GOLM2: variants seen among roughly 807,000 people sequenced by gnomAD.
The protein encoded by GOLM2 is protein GOLM2.
A neutral mutation model predicts 55.9 loss-of-function variants in GOLM2; 26 were observed. That is an observed-to-expected ratio of 0.47 (90% CI 0.34 to 0.65). The LOEUF (loss-of-function observed/expected upper bound fraction) is 0.65, where lower values mean the gene tolerates loss of function less well. Ranked by LOEUF, GOLM2 falls within the 30% of genes least tolerant of loss-of-function variation. GOLM2 has a pLI of 0.01. For synonymous variants in GOLM2, 165 were observed against 194.6 expected (o/e 0.85, Z 1.27); for missense variants, 486 against 531.8 (o/e 0.91, Z 0.85).
chr15:44,388,238 T>C (rs1263058838), intron 8 of GOLM2, among the ~76,000 whole-genome samples: 2 of 131,132 alleles, frequency 1.5e-5, no homozygotes, highest in Admixed American at 8.5e-5. Context: ...TGCGCCACTG[T>C]ACTCCAGCCT....
At chr15:44,404,219 T>C (rs752389715) in intron 9 of GOLM2, among the ~76,000 whole-genome samples, 18 of 152,184 alleles carry the variant, frequency 1.2e-4, no homozygotes, top group Non-Finnish European at 1.9e-4. Context: ...ATTTCTTCCT[T>C]AGCTGTTTTT....
chr15:44,352,192 A>G (rs2079169219), intron 6 of GOLM2, among the ~76,000 whole-genome samples: 1 of 152,236 alleles, frequency 6.6e-6, no homozygotes, highest in Non-Finnish European at 1.5e-5. Flanking sequence ...CGTAGTAACC[A>G]AAACAGCATG....
chr15:44,289,435 C>T lies in GOLM2; in HGVS notation c.327+79C>T. 7.6e-7 allele frequency: 1 copy of T among 1,319,256 alleles called. No individual in the cohort carries two copies. Among genetic ancestry groups the T allele is most frequent in the Non-Finnish European group, 1.0e-6 (1 of 963,870 alleles). 81.7% of individuals were successfully genotyped at this position (1,319,256 alleles called of 1,614,324 possible). A position where few individuals can be genotyped will look rare whatever the true frequency, so the allele number is the denominator to read the frequency against. On this transcript the variant is annotated intron_variant, in intron 1 of 9. Transcript: ENST00000299957. The surrounding 1 kb of genome is among the most constrained non-coding windows in gnomAD (Gnocchi z 4.8). ...CTGGGGCGGGATGTTAATCCGCTAG[C>T]TGTTGTCTTATGCCTTCCAGTATTT... is the stretch of plus-strand genomic sequence containing the variant.
intron 4 of GOLM2, among the ~76,000 whole-genome samples, chr15:44,333,489 A>C (rs1467646848): frequency 6.6e-6 from 1 of 152,166 alleles, no homozygotes; most frequent in Non-Finnish European, 1.5e-5. Flanking sequence ...CCTGCTGCCT[A>C]TCTGCAGTCT....
chr15:44,354,089 A>G (rs79259027), intron 6 of GOLM2, among the ~76,000 whole-genome samples: 1 of 152,062 alleles, frequency 6.6e-6, no homozygotes, highest in Admixed American at 6.6e-5. Flanking sequence ...AAGAAAATGT[A>G]AGTAATGCAT....
chr15:44,308,010 G>A (rs1427697415), intron 1 of GOLM2: 3 of 152,008 alleles, frequency 2.0e-5, no homozygotes. Context: ...AGCTATTTGG[G>A]GCCAGAATAA....
At chr15:44,363,606 C>G (rs1356825208) in intron 6 of GOLM2, among the ~76,000 whole-genome samples, 1 of 152,176 alleles carries the variant, frequency 6.6e-6, no homozygotes, top group Non-Finnish European at 1.5e-5. Flanking sequence ...GGACTGTAAA[C>G]TAGTTCAACC....
intron 6 of GOLM2, among the ~76,000 whole-genome samples, chr15:44,376,939 G>C (rs2079368756): frequency 1.3e-5 from 2 of 151,502 alleles, no homozygotes; most frequent in Admixed American, 1.3e-4. Flanking sequence ...AATTTTTCAA[G>C]AAAACAAAAA....
At chr15:44,352,114 G>A (rs2079168798) in intron 6 of GOLM2, among the ~76,000 whole-genome samples, 1 of 152,134 alleles carries the variant, frequency 6.6e-6, no homozygotes, top group South Asian at 2.1e-4. Flanking sequence ...AATAGCCAAA[G>A]CTATCCTGAG....
intron 8 of GOLM2, 32 bp from the exon 9 acceptor site, chr15:44,402,855 A>G (rs1448816852): frequency 2.5e-6 from 4 of 1,607,642 alleles, no homozygotes; most frequent in Non-Finnish European, 3.4e-6. Context: ...TTCTCTCTTT[A>G]CTCTTGAATT....
intron 9 of GOLM2, among the ~76,000 whole-genome samples, chr15:44,412,382 A>G (rs2079644169): frequency 6.6e-6 from 1 of 152,204 alleles, no homozygotes; most frequent in Non-Finnish European, 1.5e-5. Context: ...AATTTAATAC[A>G]GCCACTCAAA....
At chr15:44,324,568 G>A (rs1291647553) in intron 2 of GOLM2, among the ~76,000 whole-genome samples, 1 of 151,968 alleles carries the variant, frequency 6.6e-6, no homozygotes, top group East Asian at 1.9e-4. Flanking sequence ...TGCTATAGTA[G>A]AATTAATAGA....
chr15:44,327,401 T>C (rs2078991451), intron 2 of GOLM2, among the ~76,000 whole-genome samples: 1 of 151,934 alleles, frequency 6.6e-6, no homozygotes, highest in South Asian at 2.1e-4. Flanking sequence ...AATACACGTA[T>C]ATATCTATAT....
At chr15:44,295,902 G>T (rs2078752775) in intron 1 of GOLM2, among the ~76,000 whole-genome samples, 1 of 144,828 alleles carries the variant, frequency 6.9e-6, no homozygotes, top group Admixed American at 6.7e-5. Context: ...TAGAACAAGG[G>T]AGATCCACCA....
chr15:44,363,738 G>T (rs1251937526), intron 6 of GOLM2, among the ~76,000 whole-genome samples: 1 of 151,388 alleles, frequency 6.6e-6, no homozygotes, highest in Non-Finnish European at 1.5e-5. Flanking sequence ...AAAGACACAT[G>T]CACACGTATG....
At position 44,289,404 on chromosome 15, in the gene GOLM2, C is replaced by T. The variant is rs1248197551; in HGVS notation, c.327+48C>T. The T allele has an allele frequency of 3.3e-6, 5 of 1,516,946 alleles. No homozygotes were observed. In the South Asian group the frequency reaches 6.1e-5, roughly 19 times the overall value. The allele number at this position is 1,516,946 out of a possible 1,614,324, so 94.0% of individuals were successfully genotyped here. On this transcript the variant is annotated intron_variant, in intron 1 of 9. Coordinates refer to ENST00000299957, the MANE Select transcript of GOLM2 (RefSeq NM_138423.4). The surrounding 1 kb of genome is among the most constrained non-coding windows in gnomAD (Gnocchi z 4.8). ...CAAACCCCATGGTTTCTTTTCTCCC[C>T]GGGGTCTGGGGCGGGATGTTAATCC...
intron 6 of GOLM2, among the ~76,000 whole-genome samples, chr15:44,367,659 G>C (rs887740789): frequency 4.6e-5 from 7 of 152,014 alleles, no homozygotes; most frequent in Non-Finnish European, 1.0e-4. Context: ...GTTGGGCCTG[G>C]TGGCGTGGGC....
At chr15:44,313,340 C>A (rs2078886971) in intron 1 of GOLM2, among the ~76,000 whole-genome samples, 1 of 152,228 alleles carries the variant, frequency 6.6e-6, no homozygotes, top group Middle Eastern at 3.2e-3. Flanking sequence ...CTTTCATCTG[C>A]ATTTTCTCCT....
intron 6 of GOLM2, among the ~76,000 whole-genome samples, chr15:44,373,531 G>A (rs1468856937): frequency 6.6e-6 from 1 of 151,002 alleles, no homozygotes; most frequent in African/African-American, 2.4e-5. Context: ...CGAGGCAGGC[G>A]AATCAAGAGA....
Sources: allele counts gnomAD v4.1 joint callset (sites outside exome capture counted in the v4.1 genomes callset), GRCh38; gene constraint gnomAD v4.1.1; non-coding constraint Gnocchi (gnomAD v3.1); transcripts MANE v1.5; gene names NCBI Gene and HGNC (gene_info 2026-07-23, HGNC 2026-07-21).